SDK1: variants seen among roughly 807,000 people sequenced by gnomAD.
SDK1 encodes the protein protein sidekick-1.
SDK1 carries 157 observed loss-of-function variants against 245.5 expected under a neutral mutation model. That is an observed-to-expected ratio of 0.64 (90% CI 0.56 to 0.73). SDK1 has a LOEUF of 0.73. SDK1 is among the 30% of genes least tolerant of loss of function. SDK1 has a pLI of 0.00. For missense variants in SDK1, 3,583 were observed against 3,002.3 expected (o/e 1.19, Z -4.52); for synonymous variants, 1,647 against 1,278.5 (o/e 1.29, Z -6.15).
intron 5 of SDK1, among the ~76,000 whole-genome samples, chr7:3,872,155 T>C (rs1472131465): frequency 1.3e-5 from 2 of 152,228 alleles, no homozygotes; most frequent in African/African-American, 4.8e-5. Flanking sequence ...AATAATATGT[T>C]ATTCTTTCGT....
At chr7:3,322,639 C>A (rs144649624) in intron 1 of SDK1, among the ~76,000 whole-genome samples, 1 of 152,168 alleles carries the variant, frequency 6.6e-6, no homozygotes, top group Non-Finnish European at 1.5e-5. Context: ...CACTTACTTT[C>A]CTTTTTTAAA....
In SDK1 at chr7:3,951,796, C is replaced by T. The variant is rs751511054; in HGVS notation, c.1026C>T (p.Ser342=). 6 of 1,613,904 alleles carry T rather than the reference C, an allele frequency of 3.7e-6. No homozygotes were observed. Among genetic ancestry groups the T allele is most frequent in the Non-Finnish European group, 5.1e-6 (6 of 1,180,018 alleles). ...NGVRITSGLH[S]FGRRLTISNP... ...TGAGAATCACCAGTGGCCTCCACAG[C>T]TTTGGAAGACGCCTCACCATCAGCA... Residue 342 remains serine, a synonymous_variant, in exon 7 of 45, where the codon AGC becomes AGT. Coordinates refer to ENST00000404826, the MANE Select transcript of SDK1 (RefSeq NM_152744.4).
chr7:4,127,548 T>C (rs1296189012), intron 26 of SDK1, 52 bp downstream of exon 26: 1 of 1,319,420 alleles, frequency 7.6e-7, no homozygotes, highest in Admixed American at 1.7e-5. Flanking sequence ...GCTGGGGAAA[T>C]GGGAGCATGT....
intron 13 of SDK1, among the ~76,000 whole-genome samples, chr7:3,975,055 C>T (rs1289671127): frequency 6.6e-6 from 1 of 152,124 alleles, no homozygotes; most frequent in East Asian, 1.9e-4. Context: ...CAGAAAGCAA[C>T]TGCCCGTTAC....
intron 28 of SDK1, among the ~76,000 whole-genome samples, chr7:4,138,350 A>T (rs1217859856): frequency 6.6e-6 from 1 of 152,198 alleles, no homozygotes; most frequent in African/African-American, 2.4e-5. Flanking sequence ...ATGCTTCTAA[A>T]GGGAAAACAT....
At chr7:3,454,955 G>C (rs1415718770) in intron 1 of SDK1, among the ~76,000 whole-genome samples, 2 of 152,280 alleles carry the variant, frequency 1.3e-5, no homozygotes, top group East Asian at 1.9e-4. Flanking sequence ...ACCAGTGCTT[G>C]AGTGGTACCG....
chr7:3,668,720 G>A (rs1783609151), intron 4 of SDK1, among the ~76,000 whole-genome samples: 1 of 152,236 alleles, frequency 6.6e-6, no homozygotes, highest in Non-Finnish European at 1.5e-5. Context: ...GAACCTGGGA[G>A]GCGGAGTTTG....
chr7:3,772,000 A>G (rs1397199383), intron 4 of SDK1, among the ~76,000 whole-genome samples: 1 of 152,148 alleles, frequency 6.6e-6, no homozygotes, highest in African/African-American at 2.4e-5. Context: ...TATAAATGGG[A>G]TCATACAGTA....
rs527597012 is a variant in SDK1 at position 3,394,814 on chromosome 7, A to G, written c.298+92930A>G. Reference sequence around the variant, plus strand: ...TACTTCCAGATTGTTTATTGCTTATAGAAATATAATTGATTTTTATATATT... The same window carrying G: ...TACTTCCAGATTGTTTATTGCTTATGGAAATATAATTGATTTTTATATATT... On this transcript the variant is annotated intron_variant, in intron 1 of 44. Coordinates refer to ENST00000404826, the MANE Select transcript of SDK1 (RefSeq NM_152744.4). 2.6e-5 allele frequency among the ~76,000 whole-genome samples: 4 copies of G among 152,256 alleles called. 1 individual carries two copies. Among genetic ancestry groups the G allele is most frequent in the African/African-American group, 7.2e-5 (3 of 41,574 alleles).
At chr7:3,417,343 G>T (rs770146409) in intron 1 of SDK1, among the ~76,000 whole-genome samples, 5 of 152,122 alleles carry the variant, frequency 3.3e-5, no homozygotes, top group Non-Finnish European at 7.3e-5. Context: ...CCGACTCTTC[G>T]TCTTCTTTCT....
At chr7:3,797,407 T>G (rs1257261601) in intron 4 of SDK1, among the ~76,000 whole-genome samples, 1 of 152,080 alleles carries the variant, frequency 6.6e-6, no homozygotes, top group Non-Finnish European at 1.5e-5. Flanking sequence ...TATTTTTCTG[T>G]ATAGTCATTT....
intron 4 of SDK1, among the ~76,000 whole-genome samples, chr7:3,666,578 G>C (rs1472206473): frequency 1.3e-5 from 2 of 152,154 alleles, no homozygotes; most frequent in Admixed American, 6.5e-5. Flanking sequence ...GCCATGGCTT[G>C]GGCCTTGCTT....
chr7:3,866,251 T>C (rs1780818474), intron 5 of SDK1, among the ~76,000 whole-genome samples: 1 of 152,304 alleles, frequency 6.6e-6, no homozygotes, highest in South Asian at 2.1e-4. Flanking sequence ...AAATACTGAT[T>C]GTGCATCTCT....
chr7:3,456,824 C>T (rs1316410875), intron 1 of SDK1, among the ~76,000 whole-genome samples: 1 of 152,158 alleles, frequency 6.6e-6, no homozygotes, highest in East Asian at 1.9e-4. Context: ...CTTGGTCCTA[C>T]TTAAACCTGT....
At chr7:3,894,246 C>G (rs979049663) in intron 5 of SDK1, among the ~76,000 whole-genome samples, 3 of 152,174 alleles carry the variant, frequency 2.0e-5, no homozygotes, top group African/African-American at 4.8e-5. Flanking sequence ...TTACTTCTCC[C>G]TGTAACTTAA....
chr7:3,428,681 A>G lies in SDK1; in HGVS notation c.298+126797A>G, dbSNP rs7808808. Among the ~76,000 whole-genome samples, 548 of 152,320 alleles carry G rather than the reference A, an allele frequency of 3.6e-3. 6 individuals are homozygous for G. Among genetic ancestry groups the G allele is most frequent in the African/African-American group, 0.012 (516 of 41,576 alleles). On this transcript the variant is annotated intron_variant, in intron 1 of 44. Transcript: ENST00000404826. Reference sequence around the variant, plus strand: ...ACCATGTAAGACTGCCAAGATTTGCATAAAAATCCAATTATTGTAAAGAGC... The same window carrying G: ...ACCATGTAAGACTGCCAAGATTTGCGTAAAAATCCAATTATTGTAAAGAGC...
At chr7:3,405,158 C>A (rs1459703442) in intron 1 of SDK1, among the ~76,000 whole-genome samples, 34 of 141,506 alleles carry the variant, frequency 2.4e-4, no homozygotes, top group East Asian at 1.6e-3. Context: ...TAAAAAAAAA[C>A]CAAAAAAAAA....
intron 1 of SDK1, among the ~76,000 whole-genome samples, chr7:3,501,085 T>C (rs1255047097): frequency 2.0e-5 from 3 of 152,202 alleles, no homozygotes; most frequent in Non-Finnish European, 4.4e-5. Flanking sequence ...TCATTGTATA[T>C]GTGCTTATAA....
rs142632659 is a variant in SDK1, at chr7:4,220,258, G to A, written c.5689G>A (p.Gly1897Arg). 1.8e-5 allele frequency: 29 copies of A among 1,613,320 alleles called. No individual in the cohort carries two copies. Among genetic ancestry groups the A allele is most frequent in the East Asian group, 4.5e-5 (2 of 44,858 alleles). ...GPELQANITA[G>R]PAEGSPGSPR... is the part of the protein sequence containing the mutation. ...CGAGCTCCAAGCCAATATCACAGCC[G>A]GGCCAGCCGAGGGTAAGTGGAACTC... Residue 1897 changes from glycine to arginine, a missense_variant, in exon 39 of 45, where the codon GGG (glycine) becomes AGG (arginine). Gly to Arg is a moderately radical substitution (Grantham distance 125). Coordinates refer to ENST00000404826, the MANE Select transcript of SDK1 (RefSeq NM_152744.4).
Sources: gnomAD v4.1 joint callset for allele counts (sites outside exome capture counted in the v4.1 genomes callset) on GRCh38, gnomAD v4.1.1 for gene constraint, MANE v1.5 for transcripts, NCBI Gene and HGNC (gene_info 2026-07-23, HGNC 2026-07-21) for gene names.